TSHZ2: variants seen among roughly 807,000 people sequenced by gnomAD.
TSHZ2 encodes teashirt zinc finger homeobox 2.
Under a neutral mutation model 74.4 loss-of-function variants are expected in TSHZ2, and 21 were observed. The observed-to-expected ratio is 0.28, with a 90% CI of 0.20 to 0.41. The LOEUF (loss-of-function observed/expected upper bound fraction) is 0.41. Ranked by LOEUF, TSHZ2 falls within the 10% of genes least tolerant of loss-of-function variation. TSHZ2 has a pLI of 1.00. For synonymous variants in TSHZ2, 540 were observed against 515.3 expected, an observed-to-expected ratio of 1.05 and a Z score of -0.65; for missense variants, 1,244 against 1,293.5, an observed-to-expected ratio of 0.96 and a Z score of 0.59.
At chr20:53,443,491 A>G (rs528999162) in intron 2 of TSHZ2, among the ~76,000 whole-genome samples, 22 of 152,336 alleles carry the variant, frequency 1.4e-4, no homozygotes, top group African/African-American at 5.3e-4. Context: ...AGAGATGTCC[A>G]TGCAAAGGGC....
chr20:53,181,616 C>T (rs1325151608), intron 1 of TSHZ2, among the ~76,000 whole-genome samples: 5 of 152,148 alleles, frequency 3.3e-5, no homozygotes, highest in East Asian at 1.9e-4. Flanking sequence ...GGGCCGGACA[C>T]GGTGGCTCAC....
At chr20:53,209,798 G>A (rs1270328634) in intron 1 of TSHZ2, among the ~76,000 whole-genome samples, 1 of 152,144 alleles carries the variant, frequency 6.6e-6, no homozygotes, top group Non-Finnish European at 1.5e-5. Context: ...GTGCATACGT[G>A]GAACCTGCAG....
At position 53,254,918 on chromosome 20, in the gene TSHZ2, C is replaced by A. The variant is rs1450513086; in HGVS notation, c.1460C>A (p.Pro487His). 1 of 1,613,690 alleles carries A rather than the reference C, an allele frequency of 6.2e-7. No homozygotes were observed. The highest frequency in any genetic ancestry group is 8.5e-7 in the Non-Finnish European group (1 of 1,179,950). Residue 487 changes from proline to histidine, a missense_variant, in exon 2 of 3, where the codon CCT becomes CAT. This residue lies in a region of TSHZ2 where 562 missense variants were observed against 544.0 expected (regional missense o/e 1.03). Coordinates refer to ENST00000371497, the MANE Select transcript of TSHZ2 (RefSeq NM_173485.6). ...GTGAAAAGCGAGGACTATGAAGATC[C>A]TCTACAAAAACCTTTAGACCCTACA... ...KVVKSEDYEDPLQKPLDPTIK... is the reference protein window; with the variant it reads ...KVVKSEDYEDHLQKPLDPTIK...
In TSHZ2 at chr20:53,439,609, G is replaced by A. The variant is rs187024481; in HGVS notation, c.*9-47535G>A. On this transcript the variant is annotated intron_variant, in intron 2 of 2. Coordinates refer to ENST00000371497, the MANE Select transcript of TSHZ2 (RefSeq NM_173485.6). ...GCTATAGTATAGATTCTCACCCAGA[G>A]TGAAGAATAGCCTAGCTTTTTTTTT... is the stretch of plus-strand genomic sequence containing the variant. Among the ~76,000 whole-genome samples the A allele has an allele frequency of 2.2e-4, 34 of 152,338 alleles. 3 individuals are homozygous for A. Among genetic ancestry groups the A allele is most frequent in the East Asian group, 2.1e-3 (11 of 5,190 alleles).
chr20:53,189,691 G>T (rs1376958959), intron 1 of TSHZ2, among the ~76,000 whole-genome samples: 1 of 152,042 alleles, frequency 6.6e-6, no homozygotes, highest in African/African-American at 2.4e-5. Flanking sequence ...TGTATCCCTG[G>T]TATGCAATGT....
At chr20:53,160,072 G>A (rs1426939111) in intron 1 of TSHZ2, among the ~76,000 whole-genome samples, 1 of 152,182 alleles carries the variant, frequency 6.6e-6, no homozygotes, top group Non-Finnish European at 1.5e-5. Flanking sequence ...ATATGAAAAG[G>A]CCCAGTGGTA....
intron 1 of TSHZ2, among the ~76,000 whole-genome samples, chr20:53,234,614 G>A (rs1989899165): frequency 6.6e-6 from 1 of 152,182 alleles, no homozygotes; most frequent in Non-Finnish European, 1.5e-5. Context: ...CTGGAGTAAA[G>A]TGCCATCAGG....
chr20:53,325,096 A>G (rs1979435844), intron 2 of TSHZ2, among the ~76,000 whole-genome samples: 1 of 152,236 alleles, frequency 6.6e-6, no homozygotes, highest in Non-Finnish European at 1.5e-5. Flanking sequence ...CTGTCTTACG[A>G]ACACAGGGAC....
chr20:53,387,569 C>CCT (rs1982094576), intron 2 of TSHZ2, among the ~76,000 whole-genome samples: 1 of 152,146 alleles, frequency 6.6e-6, no homozygotes, highest in Non-Finnish European at 1.5e-5. Context: ...AGCACCTGGA[C>CCT]CTCTTTTGCT....
chr20:53,012,775 T>C (rs986017143), intron 1 of TSHZ2, among the ~76,000 whole-genome samples: 1 of 152,168 alleles, frequency 6.6e-6, no homozygotes, highest in African/African-American at 2.4e-5. Context: ...CTTTTCTCGC[T>C]CATGTCTCAG....
At chr20:53,441,561 C>T (rs900061197) in intron 2 of TSHZ2, among the ~76,000 whole-genome samples, 5 of 151,742 alleles carry the variant, frequency 3.3e-5, no homozygotes, top group African/African-American at 9.7e-5. Context: ...GCTGGTATTA[C>T]AAGCGTGAGC....
At chr20:53,096,608 C>T (rs564261375) in intron 1 of TSHZ2, among the ~76,000 whole-genome samples, 32 of 150,304 alleles carry the variant, frequency 2.1e-4, no homozygotes, top group African/African-American at 6.1e-4. Context: ...CTCGGCCAGG[C>T]GCGGTGGCTC....
rs1377848852 is a variant in TSHZ2 at position 53,256,716 on chromosome 20, A to G, written c.*8+145A>G. On this transcript the variant is annotated intron_variant, in intron 2 of 2. Transcript: ENST00000371497. This position sits in a 1 kb window ranked among gnomAD's most constrained non-coding sequence, Gnocchi z 4.3. ...GTAGGATTTATTTTAATGAAAGACC[A>G]GAACATGAAAACTAAGTCCTAATCA... 3.0e-6 allele frequency: 4 copies of G among 1,344,106 alleles called. No homozygotes were observed. The highest frequency in any genetic ancestry group is 2.9e-6 in the Non-Finnish European group (3 of 1,023,804). 83.3% of individuals were successfully genotyped at this position (1,344,106 alleles called of 1,614,324 possible). A position where few individuals can be genotyped will look rare whatever the true frequency, so the allele number is the denominator to read the frequency against.
chr20:53,430,856 A>G (rs1304501272), intron 2 of TSHZ2, among the ~76,000 whole-genome samples: 2 of 152,024 alleles, frequency 1.3e-5, no homozygotes, highest in African/African-American at 2.4e-5. Context: ...CCCGAGTTCA[A>G]CTGATTCTCC....
At chr20:53,065,576 AC>A (rs1221870771) in intron 1 of TSHZ2, among the ~76,000 whole-genome samples, 7 of 152,264 alleles carry the variant, frequency 4.6e-5, no homozygotes, top group Middle Eastern at 6.8e-3. Flanking sequence ...CACAGTCGGG[AC>A]CCAGGCAGAT....
intron 1 of TSHZ2, among the ~76,000 whole-genome samples, chr20:52,979,453 T>C (rs1448226929): frequency 6.6e-6 from 1 of 152,192 alleles, no homozygotes. Flanking sequence ...TCCATATTGC[T>C]CATTTTGTCC....
At chr20:52,987,019 G>T (rs1310462759) in intron 1 of TSHZ2, among the ~76,000 whole-genome samples, 2 of 152,162 alleles carry the variant, frequency 1.3e-5, no homozygotes, top group Non-Finnish European at 2.9e-5. Context: ...AGGGCAAGGT[G>T]CAGAAGAAGC....
chr20:53,198,862 T>C (rs1300245898), intron 1 of TSHZ2, among the ~76,000 whole-genome samples: 4 of 152,186 alleles, frequency 2.6e-5, no homozygotes, highest in African/African-American at 9.7e-5. Context: ...TTGAAATATA[T>C]CTAATATTTT....
intron 1 of TSHZ2, among the ~76,000 whole-genome samples, chr20:53,160,896 A>G (rs1987917165): frequency 6.6e-6 from 1 of 151,800 alleles, no homozygotes; most frequent in South Asian, 2.1e-4. Context: ...CTCTTAATCT[A>G]TTTCTTTATA....
Sources: gnomAD v4.1 joint callset for allele counts (sites outside exome capture counted in the v4.1 genomes callset) on GRCh38, gnomAD v4.1.1 for gene constraint, gnomAD v4.1.1 regional missense constraint, Gnocchi (gnomAD v3.1) non-coding constraint, MANE v1.5 for transcripts, NCBI Gene and HGNC (gene_info 2026-07-23, HGNC 2026-07-21) for gene names.